Variants in CLDN10 observed in about 807,000 individuals in gnomAD.
The protein encoded by CLDN10 is claudin 10.
CLDN10 carries 15 observed loss-of-function variants against 22.9 expected under a neutral mutation model. The ratio of observed to expected loss-of-function variants is 0.65; its 90% CI spans 0.44 to 1.01. CLDN10 has a LOEUF of 1.01. CLDN10 is among the 50% of genes least tolerant of loss of function. The pLI is 0.00. For synonymous variants in CLDN10, 114 were observed against 111.4 expected (o/e 1.02, Z -0.15); for missense variants, 247 against 287.8 (o/e 0.86, Z 1.03).
intron 1 of CLDN10, among the ~76,000 whole-genome samples, chr13:95,538,823 T>C (rs2138619947): frequency 6.6e-6 from 1 of 152,304 alleles, no homozygotes; most frequent in South Asian, 2.1e-4. Context: ...TCCTGTAGAC[T>C]CCACAGAGAA....
chr13:95,448,500 G>C (rs2042402531), intron 1 of CLDN10, among the ~76,000 whole-genome samples: 1 of 152,144 alleles, frequency 6.6e-6, no homozygotes. Flanking sequence ...GAAAGACTTA[G>C]AGACCAAGAT....
intron 3 of CLDN10, among the ~76,000 whole-genome samples, chr13:95,561,480 A>G (rs1427430566): frequency 1.3e-5 from 2 of 152,198 alleles, no homozygotes; most frequent in Admixed American, 1.3e-4. Context: ...AGCCAAGCAG[A>G]GCACTGCAAA....
chr13:95,573,898 G>A (rs949570148), intron 3 of CLDN10, among the ~76,000 whole-genome samples: 1 of 149,828 alleles, frequency 6.7e-6, no homozygotes, highest in Non-Finnish European at 1.5e-5. Context: ...AGGCCCCCGT[G>A]TGTGATGTTC....
chr13:95,470,711 G>T lies in CLDN10; in HGVS notation c.214+36664G>T, dbSNP rs149010619. ...CAGCAACTTCCTGCTGGCCGTGCACGTCCTGCCTATTTCTGTTCTCTTCTC... is the reference window on the plus strand; with the variant it reads ...CAGCAACTTCCTGCTGGCCGTGCACTTCCTGCCTATTTCTGTTCTCTTCTC... On this transcript the variant is annotated intron_variant, in intron 1 of 4. Coordinates refer to the CLDN10 transcript ENST00000376873. Among the ~76,000 whole-genome samples the T allele has an allele frequency of 5.6e-3, 849 of 152,190 alleles. 5 individuals are homozygous for T. Among genetic ancestry groups the T allele is most frequent in the Non-Finnish European group, 9.2e-3 (627 of 68,006 alleles).
Position 95,526,378 on chromosome 13 carries a change from C to T in CLDN10, c.215-33754C>T, listed in dbSNP as rs75695263. On this transcript the variant is annotated intron_variant, in intron 1 of 4. Coordinates refer to the CLDN10 transcript ENST00000376873. ...TCATTAGAAGCTCTGAGACTGTAGA[C>T]GGACTTGTCCACTGAGAAGCTCACA... Among the ~76,000 whole-genome samples, 363 of 152,264 alleles carry T rather than the reference C, an allele frequency of 2.4e-3. 3 individuals carry two copies. The East Asian group carries it at 0.043, about 18-fold the overall frequency.
At chr13:95,501,830 T>TG (rs1215350097) in intron 1 of CLDN10, among the ~76,000 whole-genome samples, 1 of 152,176 alleles carries the variant, frequency 6.6e-6, no homozygotes, top group Non-Finnish European at 1.5e-5. Flanking sequence ...ATCCTGCTGG[T>TG]GGGGGGTTTC....
intron 3 of CLDN10, among the ~76,000 whole-genome samples, chr13:95,571,332 A>AC (rs2043857235): frequency 6.6e-6 from 1 of 152,296 alleles, no homozygotes; most frequent in African/African-American, 2.4e-5. Context: ...AAATGTCTTT[A>AC]TTTTAGGTTT....
chr13:95,563,024 C>G (rs964004390), intron 3 of CLDN10, among the ~76,000 whole-genome samples: 1 of 151,938 alleles, frequency 6.6e-6, no homozygotes, highest in African/African-American at 2.4e-5. Context: ...CTTTTTCAAC[C>G]TCTTGGTGCT....
chr13:95,500,400 A>G (rs541990355), intron 1 of CLDN10, among the ~76,000 whole-genome samples: 101 of 152,334 alleles, frequency 6.6e-4, no homozygotes, highest in African/African-American at 2.3e-3. Flanking sequence ...TCCAGGAAGG[A>G]GAGTGCGCCT....
chr13:95,552,637 TGGTGGGCGGGGAC>T (rs890276077), upstream of CLDN10: 122 of 1,215,676 alleles, frequency 1.0e-4, no homozygotes, highest in East Asian at 1.3e-4. Context: ...CTGGGCGGGG[TGGTGGGCGGGGAC>T]GGTGGGCGGA....
chr13:95,494,432 A>G (rs2042906848), intron 1 of CLDN10, among the ~76,000 whole-genome samples: 1 of 152,234 alleles, frequency 6.6e-6, no homozygotes, highest in Non-Finnish European at 1.5e-5. Flanking sequence ...AAACCTGAAT[A>G]CATCCCAATT....
At chr13:95,480,389 A>G (rs115067115) in intron 1 of CLDN10, among the ~76,000 whole-genome samples, 45 of 152,296 alleles carry the variant, frequency 3.0e-4, no homozygotes, top group African/African-American at 1.1e-3. Flanking sequence ...CCCTTGCCCA[A>G]TCCTGGCAGA....
intron 1 of CLDN10, among the ~76,000 whole-genome samples, chr13:95,452,412 G>A (rs2042440238): frequency 6.6e-6 from 1 of 152,100 alleles, no homozygotes; most frequent in African/African-American, 2.4e-5. Context: ...TTCCTTCCCT[G>A]AGGACTCACC....
intron 1 of CLDN10, among the ~76,000 whole-genome samples, chr13:95,458,082 C>T (rs777491316): frequency 6.6e-6 from 1 of 152,132 alleles, no homozygotes; most frequent in Non-Finnish European, 1.5e-5. Context: ...TGGTTCTGCT[C>T]TACCTGTCTA....
intron 1 of CLDN10, among the ~76,000 whole-genome samples, chr13:95,543,038 C>T (rs2138626797): frequency 6.6e-6 from 1 of 152,200 alleles, no homozygotes; most frequent in South Asian, 2.1e-4. Context: ...TTGAGACCAG[C>T]CTGGCCAATG....
chr13:95,471,745 C>T (rs1009820435), intron 1 of CLDN10, among the ~76,000 whole-genome samples: 1 of 151,822 alleles, frequency 6.6e-6, no homozygotes, highest in Non-Finnish European at 1.5e-5. Context: ...AGCCACTGCA[C>T]CTAACCTTTT....
chr13:95,482,036 A>G (rs976884377), intron 1 of CLDN10, among the ~76,000 whole-genome samples: 2 of 152,172 alleles, frequency 1.3e-5, no homozygotes, highest in Admixed American at 6.5e-5. Context: ...TAAAAACTCA[A>G]TCATAACGTA....
Position 95,577,983 on chromosome 13 carries a change from C to T in CLDN10, c.656C>T (p.Ser219Leu), listed in dbSNP as rs1299424902. The T allele has an allele frequency of 6.2e-7, 1 of 1,612,656 alleles. No homozygotes were observed. The highest frequency in any genetic ancestry group is 1.3e-5 in the African/African-American group (1 of 74,864). The change falls in exon 5 of 5, where the codon TCA becomes TTA. Residue 219 changes from serine (S) to leucine (L), a missense_variant. Ser to Leu is a moderately radical substitution (Grantham distance 145). Transcript: ENST00000299339. Reference protein sequence around the residue: ...GGEDFKTTNPSKQFDKNAYV With the variant: ...GGEDFKTTNPLKQFDKNAYV Reference sequence around the variant, plus strand: ...GAAGATTTTAAAACAACAAACCCTTCAAAACAGTTTGATAAAAATGCTTAT... The same window carrying T: ...GAAGATTTTAAAACAACAAACCCTTTAAAACAGTTTGATAAAAATGCTTAT...
chr13:95,441,146 C>T (rs748011168), intron 1 of CLDN10, among the ~76,000 whole-genome samples: 1 of 152,204 alleles, frequency 6.6e-6, no homozygotes, highest in Non-Finnish European at 1.5e-5. Context: ...TAAATTCTGA[C>T]ATTTGTATTG....
Sources: allele counts gnomAD v4.1 joint callset (sites outside exome capture counted in the v4.1 genomes callset), GRCh38; gene constraint gnomAD v4.1.1; transcripts MANE v1.5; gene names NCBI Gene and HGNC (gene_info 2026-07-23, HGNC 2026-07-21).